NOL4: variants seen among roughly 807,000 people sequenced by gnomAD.
NOL4 encodes the protein nucleolar protein 4.
A neutral mutation model predicts 75.9 loss-of-function variants in NOL4; 17 were observed. The observed-to-expected ratio is 0.22, with a 90% CI of 0.15 to 0.34. NOL4 has a LOEUF of 0.34. NOL4 is among the 10% of genes least tolerant of loss of function. The probability of loss-of-function intolerance (pLI) is 1.00; values close to 1 mark genes in which losing one functional copy is unlikely to be tolerated. For missense variants in NOL4, 614 were observed against 793.5 expected (o/e 0.77, Z 2.72); for synonymous variants, 292 against 289.9 (o/e 1.01, Z -0.07).
intron 1 of NOL4, among the ~76,000 whole-genome samples, chr18:34,137,110 T>A (rs1028824340): frequency 2.0e-5 from 3 of 152,022 alleles, no homozygotes; most frequent in African/African-American, 7.2e-5. Context: ...TGAAAAGGAA[T>A]AGTCAGGTCC....
At chr18:33,961,516 G>A (rs1456495708) in intron 6 of NOL4, among the ~76,000 whole-genome samples, 1 of 152,076 alleles carries the variant, frequency 6.6e-6, no homozygotes, top group African/African-American at 2.4e-5. Flanking sequence ...TATTCAGCTT[G>A]CAGATAGCAG....
chr18:34,204,368 C>T (rs994567453), intron 1 of NOL4, among the ~76,000 whole-genome samples: 73 of 151,964 alleles, frequency 4.8e-4, no homozygotes, highest in African/African-American at 1.6e-3. Context: ...TCATATTTGT[C>T]TTATTTCATT....
intron 6 of NOL4, among the ~76,000 whole-genome samples, chr18:33,964,375 T>C (rs937471738): frequency 1.3e-5 from 2 of 151,960 alleles, no homozygotes; most frequent in Non-Finnish European, 1.5e-5. Context: ...GATCTAGCAC[T>C]GTGTGTCTTC....
intron 9 of NOL4, among the ~76,000 whole-genome samples, chr18:33,940,681 C>T (rs1392196652): frequency 6.6e-6 from 1 of 151,654 alleles, no homozygotes; most frequent in African/African-American, 2.4e-5. Flanking sequence ...TATCCCAGAA[C>T]TTAAAGTACA....
At chr18:34,013,924 CAACACCTGGGCCAAATAAATGTAT>C (rs1247600719) in intron 6 of NOL4, among the ~76,000 whole-genome samples, 1 of 151,770 alleles carries the variant, frequency 6.6e-6, no homozygotes, top group Non-Finnish European at 1.5e-5. Context: ...CTACCCTAAA[CAACACCTGGGCCAAATAAATGTAT>C]AACACCTAAA....
At chr18:34,180,607 C>T (rs914581061) in intron 1 of NOL4, among the ~76,000 whole-genome samples, 2 of 151,242 alleles carry the variant, frequency 1.3e-5, no homozygotes, top group Non-Finnish European at 3.0e-5. Context: ...AGTGGAGATT[C>T]TAGCTAAGAC....
At chr18:33,945,621 A>G (rs2068782030) in intron 8 of NOL4, among the ~76,000 whole-genome samples, 1 of 151,790 alleles carries the variant, frequency 6.6e-6, no homozygotes, top group Non-Finnish European at 1.5e-5. Flanking sequence ...CTGGCTAATT[A>G]GAACTAGATA....
At chr18:34,035,394 T>C (rs1269638989) in intron 5 of NOL4, among the ~76,000 whole-genome samples, 1 of 152,070 alleles carries the variant, frequency 6.6e-6, no homozygotes, top group African/African-American at 2.4e-5. Flanking sequence ...AAGCTGGAAA[T>C]TTAAAAATTT....
At chr18:33,859,721 C>T (rs2063003961) in intron 10 of NOL4, among the ~76,000 whole-genome samples, 1 of 152,010 alleles carries the variant, frequency 6.6e-6, no homozygotes, top group Non-Finnish European at 1.5e-5. Context: ...GTGTACAAGA[C>T]CAGCCTGACC....
At chr18:34,216,538 A>G (rs2036900405) in intron 1 of NOL4, among the ~76,000 whole-genome samples, 1 of 151,624 alleles carries the variant, frequency 6.6e-6, no homozygotes, top group Non-Finnish European at 1.5e-5. Flanking sequence ...AAATAGGAAA[A>G]TAATGTTTAA....
intron 10 of NOL4, among the ~76,000 whole-genome samples, chr18:33,878,279 CT>C (rs2064050232): frequency 2.0e-5 from 3 of 152,068 alleles, no homozygotes; most frequent in African/African-American, 7.2e-5. Context: ...TCAAAATACT[CT>C]TTCAAAGTGT....
intron 9 of NOL4, among the ~76,000 whole-genome samples, chr18:33,884,610 C>CTT (rs879544887): frequency 4.9e-5 from 7 of 143,734 alleles, no homozygotes; most frequent in South Asian, 2.2e-4. Flanking sequence ...CATTCTTCAT[C>CTT]TTTTTTTTTT....
chr18:33,920,034 T>C (rs2066937875), intron 9 of NOL4, among the ~76,000 whole-genome samples: 1 of 152,254 alleles, frequency 6.6e-6, no homozygotes, highest in African/African-American at 2.4e-5. Flanking sequence ...CACCTTATTC[T>C]TTTTAAATGA....
intron 9 of NOL4, among the ~76,000 whole-genome samples, chr18:33,904,144 C>T (rs949403793): frequency 2.0e-5 from 3 of 152,014 alleles, no homozygotes; most frequent in Admixed American, 6.6e-5. Context: ...CAACTCCATT[C>T]CCACAGATGC....
chr18:34,137,338 A>G (rs2080934269), intron 1 of NOL4, among the ~76,000 whole-genome samples: 2 of 152,184 alleles, frequency 1.3e-5, no homozygotes, highest in African/African-American at 4.8e-5. Flanking sequence ...TACCACCAGA[A>G]AGTGAAATGA....
At chr18:34,203,111 A>G (rs1034124544) in intron 1 of NOL4, among the ~76,000 whole-genome samples, 8 of 152,132 alleles carry the variant, frequency 5.3e-5, no homozygotes, top group African/African-American at 1.9e-4. Flanking sequence ...TAACAAAAAG[A>G]AACAAACTAT....
At chr18:33,915,040 T>C (rs1236226276) in intron 9 of NOL4, among the ~76,000 whole-genome samples, 7 of 152,052 alleles carry the variant, frequency 4.6e-5, no homozygotes, top group Non-Finnish European at 8.8e-5. Context: ...GAAACCAGCA[T>C]AGGCAAGTGA....
intron 1 of NOL4, among the ~76,000 whole-genome samples, chr18:34,185,665 A>C (rs964987250): frequency 2.0e-5 from 3 of 152,162 alleles, no homozygotes. Flanking sequence ...TTTCTCATTA[A>C]GTTCTATTCA....
chr18:34,156,887 A>G (rs2030508443), intron 1 of NOL4, among the ~76,000 whole-genome samples: 1 of 152,136 alleles, frequency 6.6e-6, no homozygotes, highest in Non-Finnish European at 1.5e-5. Flanking sequence ...ACAGAGTCAT[A>G]CAAAATCTGT....
Sources: allele counts gnomAD v4.1 joint callset (sites outside exome capture counted in the v4.1 genomes callset), GRCh38; gene constraint gnomAD v4.1.1; transcripts MANE v1.5; gene names NCBI Gene and HGNC (gene_info 2026-07-23, HGNC 2026-07-21).